CCDC7: variants seen among roughly 807,000 people sequenced by gnomAD.
CCDC7 encodes coiled-coil domain containing 7, also known as coiled-coil domain-containing protein 7.
In CCDC7, 183 loss-of-function variants were observed where a neutral mutation model predicts 196.9. The observed-to-expected ratio is 0.93, with a 90% CI of 0.82 to 1.05. CCDC7 has a LOEUF of 1.05. CCDC7 is among the 50% of genes least tolerant of loss of function. The probability of loss-of-function intolerance (pLI) is 0.00; values close to 1 mark genes in which losing one functional copy is unlikely to be tolerated. For synonymous variants in CCDC7, 525 were observed against 484.6 expected (o/e 1.08, Z -1.10); for missense variants, 1,540 against 1,482.2 (o/e 1.04, Z -0.64).
chr10:32,506,068 G>A (rs2044985494), intron 9 of CCDC7, among the ~76,000 whole-genome samples: 3 of 150,314 alleles, frequency 2.0e-5, no homozygotes, highest in African/African-American at 7.4e-5. Context: ...CCTAGATGGG[G>A]TGGCGGCCGG....
At position 32,767,698 on chromosome 10, in the gene CCDC7, G is replaced by A. The variant is rs139186537; in HGVS notation, c.2906-11279G>A. ...CGCATAAAGACCTAAACTTTTCAAT[G>A]CCCAGACATTAACAAATGTCCACAG... On this transcript the variant is annotated intron_variant, in intron 28 of 41. Transcript: ENST00000639629. Among the ~76,000 whole-genome samples the A allele has an allele frequency of 1.7e-3, 264 of 152,174 alleles. 2 individuals carry two copies. The highest frequency in any genetic ancestry group is 4.8e-3 in the African/African-American group (199 of 41,538).
rs565254823 is a variant in CCDC7 at position 32,728,025 on chromosome 10, C to T, written c.2669-862C>T. Among the ~76,000 whole-genome samples the T allele has an allele frequency of 4.1e-4, 63 of 152,184 alleles. 1 individual carries two copies. The highest frequency in any genetic ancestry group is 5.7e-4 in the Non-Finnish European group (39 of 67,984). ...TAGGTTCATCATGGGTATGCCCAAGCGATCAGAGCCCAAGCAATCACTAAG... is the reference window on the plus strand; with the variant it reads ...TAGGTTCATCATGGGTATGCCCAAGTGATCAGAGCCCAAGCAATCACTAAG... On this transcript the variant is annotated intron_variant, in intron 26 of 41. Coordinates refer to ENST00000639629, the Ensembl canonical transcript of CCDC7.
chr10:32,822,269 T>TA (rs1332597065), intron 31 of CCDC7, among the ~76,000 whole-genome samples: 1 of 152,150 alleles, frequency 6.6e-6, no homozygotes, highest in African/African-American at 2.4e-5. Context: ...TTAATTTATC[T>TA]AAAAGACAAC....
At chr10:32,871,739 G>C (rs1241143214) in intron 41 of CCDC7, among the ~76,000 whole-genome samples, 2 of 151,672 alleles carry the variant, frequency 1.3e-5, no homozygotes, top group Admixed American at 6.6e-5. Context: ...TGGGCATTTA[G>C]TGCTATAAAT....
At chr10:32,837,844 A>T (rs1160249491) in intron 33 of CCDC7, among the ~76,000 whole-genome samples, 1 of 148,326 alleles carries the variant, frequency 6.7e-6, no homozygotes, top group East Asian at 2.0e-4. Context: ...CAAACACCGC[A>T]TGTTCTCACT....
At chr10:32,676,092 C>A (rs2074918574) in intron 21 of CCDC7, among the ~76,000 whole-genome samples, 1 of 150,686 alleles carries the variant, frequency 6.6e-6, no homozygotes. Flanking sequence ...ATATCTACAA[C>A]TACCTGATCT....
At chr10:32,571,195 G>T (rs2057510865) in intron 15 of CCDC7, among the ~76,000 whole-genome samples, 1 of 152,018 alleles carries the variant, frequency 6.6e-6, no homozygotes, top group Non-Finnish European at 1.5e-5. Flanking sequence ...GTTTAGTAGA[G>T]AGGGGGTTTC....
At chr10:32,721,959 G>T (rs763940962) in intron 25 of CCDC7, among the ~76,000 whole-genome samples, 1 of 152,040 alleles carries the variant, frequency 6.6e-6, no homozygotes, top group Non-Finnish European at 1.5e-5. Context: ...CAGTGCTTAG[G>T]GCTACACTAA....
chr10:32,662,257 G>T (rs1386501531), intron 20 of CCDC7, among the ~76,000 whole-genome samples: 1 of 152,174 alleles, frequency 6.6e-6, no homozygotes, highest in Non-Finnish European at 1.5e-5. Flanking sequence ...AGCAATTCAA[G>T]ACTGTCCTTT....
chr10:32,717,995 A>G (rs1490480252), intron 25 of CCDC7, among the ~76,000 whole-genome samples: 6 of 152,154 alleles, frequency 3.9e-5, no homozygotes, highest in African/African-American at 1.4e-4. Flanking sequence ...ACTATTCCAA[A>G]CAATAGAGAA....
rs1281350840 is a variant in CCDC7, at chr10:32,581,858, G to A, written c.1455-1176G>A. 9.2e-5 allele frequency among the ~76,000 whole-genome samples: 14 copies of A among 151,902 alleles called. No individual in the cohort carries two copies. In the East Asian group the frequency reaches 1.6e-3, roughly 17 times the overall value. On this transcript the variant is annotated intron_variant, in intron 16 of 41. Coordinates refer to ENST00000639629, the Ensembl canonical transcript of CCDC7. ...TTAGCTATGTGATAATATTAGTGTT[G>A]GGGTGGTGGTTTGTGAATAACTGTA...
intron 11 of CCDC7, among the ~76,000 whole-genome samples, chr10:32,520,832 T>C (rs1314729565): frequency 6.6e-6 from 1 of 152,182 alleles, no homozygotes; most frequent in Non-Finnish European, 1.5e-5. Context: ...CAATGTTTTC[T>C]TGGAGTAGTG....
At chr10:32,876,386 A>G (rs1262360443) in exon 42 of CCDC7, 3 of 1,610,358 alleles carry the variant, frequency 1.9e-6, no homozygotes, top group Non-Finnish European at 2.5e-6. Flanking sequence ...CCACACCCAT[A>G]CTTTTGAGAA....
chr10:32,740,314 C>A (rs1245482830), intron 28 of CCDC7, among the ~76,000 whole-genome samples: 3 of 152,048 alleles, frequency 2.0e-5, no homozygotes, highest in Non-Finnish European at 4.4e-5. Flanking sequence ...AAAATGATTT[C>A]TTTAATATAA....
chr10:32,851,383 T>C (rs1414178905), intron 39 of CCDC7, among the ~76,000 whole-genome samples: 1 of 152,180 alleles, frequency 6.6e-6, no homozygotes, highest in African/African-American at 2.4e-5. Flanking sequence ...ATTAAGTTTC[T>C]TTTTATTCTC....
At chr10:32,644,409 A>C (rs540147213) in intron 20 of CCDC7, among the ~76,000 whole-genome samples, 1 of 152,132 alleles carries the variant, frequency 6.6e-6, no homozygotes, top group African/African-American at 2.4e-5. Flanking sequence ...CATAAAATCA[A>C]CTTTTTTAGA....
At chr10:32,740,087 A>G (rs972759752) in intron 28 of CCDC7, among the ~76,000 whole-genome samples, 2 of 152,244 alleles carry the variant, frequency 1.3e-5, no homozygotes, top group South Asian at 4.1e-4. Flanking sequence ...TTTCTCCCCA[A>G]CATCCCAGGC....
intron 21 of CCDC7, among the ~76,000 whole-genome samples, chr10:32,675,180 T>C (rs1165644827): frequency 6.6e-6 from 1 of 152,224 alleles, no homozygotes; most frequent in Admixed American, 6.5e-5. Context: ...TCTTCCTCTC[T>C]TTCTGCTTTA....
chr10:32,503,992 A>T, intron 9 of CCDC7, among the ~76,000 whole-genome samples: 2 of 148,780 alleles, frequency 1.3e-5, no homozygotes, highest in East Asian at 2.0e-4. Context: ...TACTGAGGTT[A>T]TTTGGGCCTT....
Sources: gnomAD v4.1 joint callset for allele counts (sites outside exome capture counted in the v4.1 genomes callset) on GRCh38, gnomAD v4.1.1 for gene constraint, MANE v1.5 for transcripts, NCBI Gene and HGNC (gene_info 2026-07-23, HGNC 2026-07-21) for gene names.